Variants in ADAMTS16 observed in about 807,000 individuals in gnomAD.
ADAMTS16 encodes the protein A disintegrin and metalloproteinase with thrombospondin motifs 16.
A neutral mutation model predicts 145.8 loss-of-function variants in ADAMTS16; 94 were observed. That is an observed-to-expected ratio of 0.64 (90% CI 0.55 to 0.77). ADAMTS16 has a LOEUF of 0.77. Among genes scored for constraint, ADAMTS16 ranks in the 30% least tolerant of loss-of-function variants. The probability of loss-of-function intolerance (pLI) is 0.00; values close to 1 mark genes in which losing one functional copy is unlikely to be tolerated. For synonymous variants in ADAMTS16, 659 were observed against 604.3 expected (o/e 1.09, Z -1.33); for missense variants, 1,585 against 1,591.5 (o/e 1.00, Z 0.07).
At chr5:5,141,485 A>G (rs1432221815) in intron 2 of ADAMTS16, among the ~76,000 whole-genome samples, 2 of 152,212 alleles carry the variant, frequency 1.3e-5, no homozygotes, top group African/African-American at 4.8e-5. Flanking sequence ...GCATCAGGTA[A>G]ATGAGAACGC....
At chr5:5,230,834 C>T (rs568918936) in intron 11 of ADAMTS16, among the ~76,000 whole-genome samples, 41 of 152,298 alleles carry the variant, frequency 2.7e-4, no homozygotes, top group Non-Finnish European at 5.1e-4. Flanking sequence ...TTTGAGACAG[C>T]GCTCCTGTCT....
intron 12 of ADAMTS16, among the ~76,000 whole-genome samples, chr5:5,232,933 A>G (rs1156368128): frequency 1.3e-5 from 2 of 152,216 alleles, no homozygotes; most frequent in East Asian, 1.9e-4. Context: ...TGTACTGTAC[A>G]TATAATCGTA....
intron 17 of ADAMTS16, among the ~76,000 whole-genome samples, chr5:5,248,470 A>C (rs1006597257): frequency 3.3e-5 from 5 of 152,230 alleles, no homozygotes; most frequent in African/African-American, 1.2e-4. Context: ...TACCTTTTGA[A>C]GCTTATGCCC....
chr5:5,239,870 A>G lies in ADAMTS16; in HGVS notation c.2468A>G (p.Asn823Ser), dbSNP rs1348295916. The G allele has an allele frequency of 1.2e-6, 2 of 1,613,948 alleles. No homozygotes were observed. Among genetic ancestry groups the G allele is most frequent in the Non-Finnish European group, 1.7e-6 (2 of 1,180,036 alleles). ...ACTTTCGACTACAGACGGTCCTATA[A>G]TGAGCCCGAGAACTTAATCGCTACT... Reference protein sequence around the residue: ...GTTFDYRRSYNEPENLIATGP... With the variant: ...GTTFDYRRSYSEPENLIATGP... Residue 823 changes from asparagine (N) to serine (S), a missense_variant, in exon 16 of 23, where the codon AAT becomes AGT. Around this residue, in one of 3 missense-constraint regions of ADAMTS16, gnomAD observed 834 missense variants for 811.7 expected, o/e 1.03. Transcript: ENST00000274181.
chr5:5,284,773 T>C (rs1169143328), intron 18 of ADAMTS16, among the ~76,000 whole-genome samples: 1 of 152,250 alleles, frequency 6.6e-6, no homozygotes, highest in Admixed American at 6.5e-5. Context: ...TAATGCCATA[T>C]ACCCTTTTCA....
chr5:5,239,148 C>T lies in ADAMTS16; in HGVS notation c.2155-3C>T. 6.5e-7 allele frequency: 1 copy of T among 1,534,634 alleles called. No homozygotes were observed. Among genetic ancestry groups the T allele is most frequent in the Non-Finnish European group, 8.7e-7 (1 of 1,142,974 alleles). ...ATGACATGTGACCTCATGGGCCCTC[C>T]AGAGAGTTGGATGTGACAATGTCCT... On this transcript the variant is annotated splice_region_variant and splice_polypyrimidine_tract_variant and intron_variant, in intron 14 of 22. Transcript: ENST00000274181.
At chr5:5,254,961 T>C (rs1291946645) in intron 17 of ADAMTS16, among the ~76,000 whole-genome samples, 1 of 152,176 alleles carries the variant, frequency 6.6e-6, no homozygotes, top group East Asian at 1.9e-4. Flanking sequence ...GTAAAATATA[T>C]TTGAAGCAGC....
chr5:5,318,901 CCT>C, intron 22 of ADAMTS16, 120 bp from the exon 23 acceptor site: 2 of 697,480 alleles, frequency 2.9e-6, no homozygotes, highest in Non-Finnish European at 5.0e-6. Context: ...CTGGGGGCTG[CCT>C]CTCTGCAGCA....
At chr5:5,246,539 T>C (rs1036587887) in intron 17 of ADAMTS16, among the ~76,000 whole-genome samples, 1 of 152,248 alleles carries the variant, frequency 6.6e-6, no homozygotes, top group Non-Finnish European at 1.5e-5. Flanking sequence ...TCATTCATCA[T>C]CAGTCAGCAT....
At chr5:5,240,937 T>A (rs1042769741) in intron 16 of ADAMTS16, among the ~76,000 whole-genome samples, 1 of 152,190 alleles carries the variant, frequency 6.6e-6, no homozygotes, top group African/African-American at 2.4e-5. Flanking sequence ...GAGAGAAAGA[T>A]GCCTCCGGGT....
chr5:5,173,984 C>T (rs187781608), intron 3 of ADAMTS16, among the ~76,000 whole-genome samples: 61 of 152,262 alleles, frequency 4.0e-4, no homozygotes, highest in Admixed American at 4.6e-4. Context: ...GATTTACAAA[C>T]GTAATTACAG....
chr5:5,207,641 G>A (rs368976683), intron 9 of ADAMTS16, among the ~76,000 whole-genome samples: 16 of 151,554 alleles, frequency 1.1e-4, no homozygotes, highest in South Asian at 2.1e-4. Context: ...TTTAAGTTTC[G>A]CACCATTAAT....
intron 9 of ADAMTS16, among the ~76,000 whole-genome samples, chr5:5,207,260 A>G (rs1736153136): frequency 6.6e-6 from 1 of 152,160 alleles, no homozygotes; most frequent in Non-Finnish European, 1.5e-5. Context: ...GGCTTTGCAC[A>G]TATTTTGCTA....
Position 5,239,661 on chromosome 5 carries a change from T to TC in ADAMTS16, c.2279-16dup. On this transcript the variant is annotated intron_variant, in intron 15 of 22. Transcript: ENST00000274181. ...CTTTCTGGAATGAAAAGCTGTATCT[T>TC]CCCCATTTCCTTTATCTAGAGTATT... 6.2e-7 allele frequency: 1 copy of TC among 1,610,178 alleles called. No homozygotes were observed. The highest frequency in any genetic ancestry group is 8.5e-7 in the Non-Finnish European group (1 of 1,176,704).
chr5:5,190,567 CG>C (rs1560941529), intron 7 of ADAMTS16, among the ~76,000 whole-genome samples: 1 of 151,830 alleles, frequency 6.6e-6, no homozygotes, highest in Non-Finnish European at 1.5e-5. Context: ...TAGACATTTA[CG>C]GGGCTGGGTG....
At chr5:5,295,318 G>T (rs572555552) in intron 18 of ADAMTS16, among the ~76,000 whole-genome samples, 1 of 152,206 alleles carries the variant, frequency 6.6e-6, no homozygotes, top group Non-Finnish European at 1.5e-5. Flanking sequence ...TTTAATGACT[G>T]GTCTCCACTG....
intron 17 of ADAMTS16, among the ~76,000 whole-genome samples, chr5:5,254,643 A>T (rs975116118): frequency 1.3e-5 from 2 of 152,170 alleles, no homozygotes; most frequent in African/African-American, 4.8e-5. Context: ...ACTTTATTAC[A>T]TTTATGGAGT....
chr5:5,239,617 C>T, intron 15 of ADAMTS16, 64 bp from the exon 16 acceptor site: 1 of 1,593,934 alleles, frequency 6.3e-7, no homozygotes, highest in African/African-American at 1.3e-5. Flanking sequence ...ACTGGGGTTG[C>T]TTAGAGATTT....
intron 8 of ADAMTS16, among the ~76,000 whole-genome samples, chr5:5,196,520 G>A (rs1735809492): frequency 6.6e-6 from 1 of 152,088 alleles, no homozygotes; most frequent in African/African-American, 2.4e-5. Flanking sequence ...CTGCTCTCTG[G>A]GTAGCTGTGG....
Sources: allele counts gnomAD v4.1 joint callset (sites outside exome capture counted in the v4.1 genomes callset), GRCh38; gene constraint gnomAD v4.1.1; regional missense constraint gnomAD v4.1.1; transcripts MANE v1.5; gene names NCBI Gene and HGNC (gene_info 2026-07-23, HGNC 2026-07-21).